Variants in CD109 observed in about 807,000 individuals in gnomAD.
CD109 encodes CD109 molecule.
CD109 carries 149 observed loss-of-function variants against 165.8 expected under a neutral mutation model. The ratio of observed to expected loss-of-function variants is 0.90; its 90% CI spans 0.79 to 1.03. The LOEUF (loss-of-function observed/expected upper bound fraction) is 1.03. Among genes scored for constraint, CD109 ranks in the 50% least tolerant of loss-of-function variants. CD109 has a pLI of 0.00. For missense variants in CD109, 1,712 were observed against 1,677.8 expected (o/e 1.02, Z -0.36); for synonymous variants, 585 against 592.1 (o/e 0.99, Z 0.18).
intron 3 of CD109, among the ~76,000 whole-genome samples, chr6:73,725,139 C>T (rs1772086192): frequency 6.6e-6 from 1 of 152,106 alleles, no homozygotes; most frequent in Non-Finnish European, 1.5e-5. Context: ...GGGAAAAAAA[C>T]CCTGCAATCT....
At chr6:73,687,227 G>A in the CD109 span, among the ~76,000 whole-genome samples, 4 of 152,018 alleles carry the variant, frequency 2.6e-5, no homozygotes, top group East Asian at 3.9e-4. Flanking sequence ...ATCAGTTCAC[G>A]TAGGAAAGGC....
the CD109 span, among the ~76,000 whole-genome samples, chr6:73,681,589 G>A: frequency 6.6e-6 from 1 of 151,706 alleles, no homozygotes; most frequent in Non-Finnish European, 1.5e-5. Context: ...GAGAGCTTGT[G>A]TAGGGAAACT....
At chr6:73,745,761 C>T (rs1256112107) in intron 5 of CD109, among the ~76,000 whole-genome samples, 1 of 152,184 alleles carries the variant, frequency 6.6e-6, no homozygotes, top group Non-Finnish European at 1.5e-5. Flanking sequence ...CAGAGTCTCG[C>T]TGTGTCACCC....
intron 27 of CD109, among the ~76,000 whole-genome samples, chr6:73,810,385 AT>A (rs1775710652): frequency 6.6e-6 from 1 of 151,094 alleles, no homozygotes; most frequent in South Asian, 2.1e-4. Context: ...AAAAGGCTAA[AT>A]TGATTAATTT....
chr6:73,765,936 G>A lies in CD109; in HGVS notation c.1114G>A (p.Val372Ile). Residue 372 changes from valine (V) to isoleucine (I), a missense_variant, in exon 11 of 33, where the codon GTA becomes ATA. Physicochemically the swap from Val to Ile is conservative, Grantham distance 29 (BLOSUM62 3). Coordinates refer to ENST00000287097, the MANE Select transcript of CD109 (RefSeq NM_133493.5). ...PSLNFTATVK[V>I]TRADGNQLTL... ...GTTTTGTTTTGACCATTAGGTGAAG[G>A]TAACTCGTGCTGATGGCAACCAACT... is the stretch of plus-strand genomic sequence containing the variant. 2 of 1,611,254 alleles carry A rather than the reference G, an allele frequency of 1.2e-6. No homozygotes were observed. Among genetic ancestry groups the A allele is most frequent in the East Asian group, 2.2e-5 (1 of 44,852 alleles).
At chr6:73,799,681 G>A (rs1309003938) in intron 23 of CD109, among the ~76,000 whole-genome samples, 1 of 152,130 alleles carries the variant, frequency 6.6e-6, no homozygotes, top group African/African-American at 2.4e-5. Flanking sequence ...ACAGCACCAA[G>A]ATCCAGTCAC....
intron 24 of CD109, among the ~76,000 whole-genome samples, chr6:73,803,686 A>G (rs974781629): frequency 2.2e-5 from 1 of 45,468 alleles, no homozygotes; most frequent in Non-Finnish European, 4.5e-5. Context: ...ATGTAGTTTA[A>G]GTTTGTGTGT....
chr6:73,780,016 GT>G (rs34783798), intron 15 of CD109, among the ~76,000 whole-genome samples: 54,614 of 138,130 alleles, frequency 0.4, 9,711 homozygotes, highest in African/African-American at 0.53. Flanking sequence ...TGCCTCTTCA[GT>G]TTTTTTTTTT....
At chr6:73,776,225 G>A (rs1774236810) in intron 15 of CD109, among the ~76,000 whole-genome samples, 1 of 152,102 alleles carries the variant, frequency 6.6e-6, no homozygotes, top group Admixed American at 6.6e-5. Context: ...TCTGACTGGT[G>A]TGAGATGGTA....
intron 15 of CD109, among the ~76,000 whole-genome samples, chr6:73,777,011 G>T (rs1774273655): frequency 3.2e-5 from 1 of 31,186 alleles, no homozygotes; most frequent in East Asian, 3.9e-3. Context: ...TTTTGAGATG[G>T]AGTTTCCCCC....
intron 15 of CD109, among the ~76,000 whole-genome samples, chr6:73,777,944 G>C (rs530178976): frequency 6.6e-6 from 1 of 152,274 alleles, no homozygotes; most frequent in African/African-American, 2.4e-5. Context: ...CTCTCGTTCT[G>C]TGAAGAATGT....
At chr6:73,743,933 TATC>T (rs1562042295) in intron 5 of CD109, among the ~76,000 whole-genome samples, 1 of 152,068 alleles carries the variant, frequency 6.6e-6, no homozygotes, top group Non-Finnish European at 1.5e-5. Flanking sequence ...CTTAGAGCAT[TATC>T]TGGCAGAGCT....
chr6:73,712,208 CAAAAA>C (rs3045855), intron 2 of CD109, among the ~76,000 whole-genome samples: 1 of 151,464 alleles, frequency 6.6e-6, no homozygotes, highest in Non-Finnish European at 1.5e-5. Context: ...GACTCCGTCT[CAAAAA>C]AAAAAAAATT....
intron 5 of CD109, among the ~76,000 whole-genome samples, chr6:73,753,382 G>T (rs7742217): frequency 1.3e-5 from 2 of 151,968 alleles, no homozygotes; most frequent in Non-Finnish European, 2.9e-5. Flanking sequence ...AGTATCTTTT[G>T]TACTTGATTA....
rs1295677807 is a variant in CD109 at position 73,825,186 on chromosome 6, A to G, written c.*1553A>G. On this transcript the variant is annotated 3_prime_UTR_variant, in exon 33 of 33. Coordinates refer to ENST00000287097, the MANE Select transcript of CD109 (RefSeq NM_133493.5). ...AAAGTAGGAATAACTGACATTCAGTATTTTAAAGCTGGCAAACCTGTACAT... is the reference window on the plus strand; with the variant it reads ...AAAGTAGGAATAACTGACATTCAGTGTTTTAAAGCTGGCAAACCTGTACAT... 1 of 152,240 alleles carries G rather than the reference A, an allele frequency of 6.6e-6. No homozygotes were observed. The highest frequency in any genetic ancestry group is 1.5e-5 in the Non-Finnish European group (1 of 68,036). The allele number at this position is 152,240 out of a possible 1,614,324, so 9.4% of individuals were successfully genotyped here. A position where few individuals can be genotyped will look rare whatever the true frequency, so the allele number is the denominator to read the frequency against.
chr6:73,697,536 GTC>G lies in CD109; in HGVS notation c.215_216del (p.Ser72CysfsTer9), dbSNP rs1461549616. The G allele has an allele frequency of 2.5e-6, 4 of 1,614,110 alleles. No individual in the cohort carries two copies. The highest frequency in any genetic ancestry group is 2.2e-5 in the East Asian group (1 of 44,878). Reference protein sequence around the residue: ...ELLKTASNLTVSVLEAEGVFE... With the variant: ...ELLKTASNLTXSVLEAEGVFE... ...GCTCAAGACAGCATCAAACCTCACT[GTC>G]TCTGTCCTGGAAGCAGAAGGAGTCT... On this transcript the variant is annotated frameshift_variant, in exon 2 of 33. Transcript: ENST00000287097. LOFTEE classifies it high-confidence loss of function.
At chr6:73,697,277 A>T (rs1185726236) in intron 1 of CD109, 123 bp from the exon 2 acceptor site, 3 of 755,938 alleles carry the variant, frequency 4.0e-6, no homozygotes, top group African/African-American at 1.7e-5. Context: ...GGGCAATGTT[A>T]ACGGAAACAA....
intron 26 of CD109, among the ~76,000 whole-genome samples, chr6:73,808,959 T>G (rs1775665612): frequency 6.6e-6 from 1 of 152,004 alleles, no homozygotes; most frequent in African/African-American, 2.4e-5. Context: ...CTTCTGAGAC[T>G]GTAAAAAATA....
chr6:73,713,912 C>G (rs557483102), intron 2 of CD109, among the ~76,000 whole-genome samples: 1 of 152,058 alleles, frequency 6.6e-6, no homozygotes, highest in Non-Finnish European at 1.5e-5. Context: ...AAATAAATTA[C>G]CACCCCTCCC....
Sources: gnomAD v4.1 joint callset for allele counts (sites outside exome capture counted in the v4.1 genomes callset) on GRCh38, gnomAD v4.1.1 for gene constraint, MANE v1.5 for transcripts, NCBI Gene and HGNC (gene_info 2026-07-23, HGNC 2026-07-21) for gene names.